The following CIZ1 variants were observed in gnomAD, a reference collection of about 807,000 sequenced individuals.
The protein encoded by CIZ1 is CDKN1A interacting zinc finger protein 1.
CIZ1 carries 58 observed loss-of-function variants against 118.6 expected under a neutral mutation model. That is an observed-to-expected ratio of 0.49 (90% CI 0.40 to 0.61). The LOEUF (loss-of-function observed/expected upper bound fraction) is 0.61, where lower values mean the gene tolerates loss of function less well. Ranked by LOEUF, CIZ1 falls within the 20% of genes least tolerant of loss-of-function variation. CIZ1 has a pLI of 0.00. For missense variants in CIZ1, 921 were observed against 1,115.9 expected, an observed-to-expected ratio of 0.83 and a Z score of 2.49; for synonymous variants, 448 against 443.4, an observed-to-expected ratio of 1.01 and a Z score of -0.13.
chr9:128,180,078 C>T (rs926587295), intron 7 of CIZ1, among the ~76,000 whole-genome samples: 33 of 152,146 alleles, frequency 2.2e-4, no homozygotes, highest in African/African-American at 7.2e-4. Flanking sequence ...CGGGGAGGAT[C>T]GTTCTCACCT....
At chr9:128,187,666 C>G (rs1378132324) in intron 4 of CIZ1, among the ~76,000 whole-genome samples, 197 bp downstream of exon 4, 1 of 151,820 alleles carries the variant, frequency 6.6e-6, no homozygotes, top group African/African-American at 2.4e-5. Flanking sequence ...AAAGATGAAA[C>G]AACCTAAAAG....
At position 128,167,161 on chromosome 9, in the gene CIZ1, T is replaced by G. The variant is rs1380460118; in HGVS notation, c.2299A>C (p.Arg767=). Residue 767 remains arginine, a synonymous_variant, in exon 15 of 17, where the codon AGG becomes CGG. Coordinates refer to ENST00000372938, the MANE Select transcript of CIZ1 (RefSeq NM_001131016.2). The part of the protein sequence containing the change: ...EVEEELCKQV[R]SRDISREEWK... ...TCCTCTCTGGATATATCTCTGGACC[T>G]CACCTGAAAACATGCAAGTGTGGGC... The G allele has an allele frequency of 6.3e-7, 1 of 1,581,766 alleles. No individual in the cohort carries two copies. Among genetic ancestry groups the G allele is most frequent in the Non-Finnish European group, 8.6e-7 (1 of 1,163,898 alleles).
chr9:128,174,012 A>AAAAC (rs1301451869), intron 11 of CIZ1, among the ~76,000 whole-genome samples: 5 of 77,726 alleles, frequency 6.4e-5, no homozygotes, highest in Non-Finnish European at 1.5e-4. Context: ...TCTCAAAAAC[A>AAAAC]AAACAAAAAA....
Position 128,169,392 on chromosome 9 carries a change from G to A in CIZ1, c.2145+14C>T, listed in dbSNP as rs1429833785. The A allele has an allele frequency of 6.2e-7, 1 of 1,604,682 alleles. No homozygotes were observed. The highest frequency in any genetic ancestry group is 8.5e-7 in the Non-Finnish European group (1 of 1,171,410). Reference sequence around the variant, plus strand: ...CCTCTCTGGGCCCATGTCCTCTGAGGGAGCTCAGGTTACCTCCTTGGCTTT... The same window carrying A: ...CCTCTCTGGGCCCATGTCCTCTGAGAGAGCTCAGGTTACCTCCTTGGCTTT... On this transcript the variant is annotated intron_variant, in intron 13 of 16. Transcript: ENST00000372938.
chr9:128,177,518 T>C, intron 10 of CIZ1, 48 bp downstream of exon 10: 1 of 1,240,514 alleles, frequency 8.1e-7, no homozygotes. Context: ...AGGCTGGGCA[T>C]TCCACGCAGG....
chr9:128,184,345 G>A (rs546709667), intron 5 of CIZ1, among the ~76,000 whole-genome samples: 101 of 152,230 alleles, frequency 6.6e-4, no homozygotes, highest in Admixed American at 2.0e-3. Context: ...ATGACAGGTC[G>A]AAATGATAAT....
intron 5 of CIZ1, among the ~76,000 whole-genome samples, chr9:128,181,821 T>A (rs1831684708): frequency 6.7e-6 from 1 of 148,430 alleles, no homozygotes; most frequent in Non-Finnish European, 1.5e-5. Context: ...ACTCTGCTCC[T>A]CCACCTCTTG....
chr9:128,179,272 T>G lies in CIZ1; in HGVS notation c.935A>C (p.Gln312Pro). The G allele has an allele frequency of 6.2e-7, 1 of 1,614,176 alleles. No individual in the cohort carries two copies. The highest frequency in any genetic ancestry group is 8.5e-7 in the Non-Finnish European group (1 of 1,180,054). ...GGCCTGGACCTGCAGGACCCGTGGC[T>G]GGAATCGTGGCAGCACTTGGGCTTC... The part of the protein sequence containing the change: ...ALEAQVLPRF[Q>P]PRVLQVQAQV... The change falls in exon 8 of 17, where the codon CAG (glutamine) becomes CCG (proline). Residue 312 changes from glutamine to proline, a missense_variant. By Grantham distance (76) the Gln-to-Pro change is moderately conservative. Coordinates refer to ENST00000372938, the MANE Select transcript of CIZ1 (RefSeq NM_001131016.2).
chr9:128,197,521 A>G (rs1564309926), intron 1 of CIZ1: 1 of 152,292 alleles, frequency 6.6e-6, no homozygotes, highest in African/African-American at 2.4e-5. Flanking sequence ...TTTCCTAAAA[A>G]TAAATGGAGT....
In CIZ1 at chr9:128,173,290, G is replaced by A. The variant is rs560869527; in HGVS notation, c.1943+3061C>T. Among the ~76,000 whole-genome samples the A allele has an allele frequency of 6.7e-4, 102 of 151,890 alleles. 1 individual carries two copies. Among genetic ancestry groups the A allele is most frequent in the African/African-American group, 2.2e-3 (92 of 41,438 alleles). On this transcript the variant is annotated intron_variant, in intron 11 of 16. Transcript: ENST00000372938. ...CTCCCAAGTAGCTGGGACTACAGGC[G>A]CCTGCCACCACGCCCGGCTAATTTT...
In CIZ1 at chr9:128,180,434, G is replaced by A; in HGVS notation, c.772C>T (p.Pro258Ser). The A allele has an allele frequency of 6.2e-7, 1 of 1,613,994 alleles. No homozygotes were observed. The highest frequency in any genetic ancestry group is 1.3e-5 in the African/African-American group (1 of 75,014). Residue 258 changes from proline (P) to serine (S), a missense_variant, in exon 7 of 17, where the codon CCA becomes TCA. Coordinates refer to ENST00000372938, the MANE Select transcript of CIZ1 (RefSeq NM_001131016.2). ...EPEPCEASEL[P>S]AKRLRSSEEP... ...AGTTACCTCCTCAATCTCTTTGCTG[G>A]CAGCTCGGACGCCTCACAAGGCTCA...
chr9:128,178,445 A>G lies in CIZ1; in HGVS notation c.1544T>C (p.Met515Thr). ...LPEPVGTQVS[M>T]EEIQNESACG... Reference sequence around the variant, plus strand: ...GGCCGACTCATTCTGAATCTCTTCCATGCTGACTTGGGTGCCCACAGGCTC... The same window carrying G: ...GGCCGACTCATTCTGAATCTCTTCCGTGCTGACTTGGGTGCCCACAGGCTC... The change falls in exon 9 of 17, where the codon ATG becomes ACG. Residue 515 changes from methionine (M) to threonine (T), a missense_variant. Transcript: ENST00000372938. 1 of 1,614,130 alleles carries G rather than the reference A, an allele frequency of 6.2e-7. No individual in the cohort carries two copies. Among genetic ancestry groups the G allele is most frequent in the Non-Finnish European group, 8.5e-7 (1 of 1,180,010 alleles).
rs1564315253 is a variant in CIZ1 at position 128,203,655 on chromosome 9, G to T, written c.-6+531C>A. ...AGGTAGGCGCGGCGCGCCCCCAGGC[G>T]CCGACCCCCGACCCCCGGGATCCCT... is the stretch of plus-strand genomic sequence containing the variant. On this transcript the variant is annotated intron_variant, in intron 1 of 17. Coordinates refer to the CIZ1 transcript ENST00000372948. The surrounding 1 kb of genome is among the most constrained non-coding windows in gnomAD (Gnocchi z 5.3). 4.0e-6 allele frequency: 6 copies of T among 1,495,292 alleles called. No homozygotes were observed. Among genetic ancestry groups the T allele is most frequent in the East Asian group, 2.8e-5 (1 of 35,418 alleles). 92.6% of individuals were successfully genotyped at this position (1,495,292 alleles called of 1,614,324 possible).
At position 128,178,733 on chromosome 9, in the gene CIZ1, G is replaced by A; in HGVS notation, c.1474C>T (p.Pro492Ser). ...VVHVCGLEMP[P>S]DAVEAGGGME... ...CCTCCACCAGCTTCTACTGCATCAG[G>A]TGGCATCTCCAGCCCGCAGACATGA... The change falls in exon 8 of 17, where the codon CCT (proline) becomes TCT (serine). Residue 492 changes from proline to serine, a missense_variant. Physicochemically the swap from Pro to Ser is moderately conservative, Grantham distance 74 (BLOSUM62 -1). Coordinates refer to ENST00000372938, the MANE Select transcript of CIZ1 (RefSeq NM_001131016.2). 6.2e-7 allele frequency: 1 copy of A among 1,613,958 alleles called. No homozygotes were observed. The highest frequency in any genetic ancestry group is 1.1e-5 in the South Asian group (1 of 91,066).
At position 128,185,636 on chromosome 9, in the gene CIZ1, C is replaced by T. The variant is rs747293336; in HGVS notation, c.499G>A (p.Val167Ile). ...TTGAACTGGGAAGGGTTCATGGGGA[C>T]CCCAACAGGAGGAGGTCCCAGCAAG... is the stretch of plus-strand genomic sequence containing the variant. Reference protein sequence around the residue: ...QSLLGPPPVGVPMNPSQFNLS... With the variant: ...QSLLGPPPVGIPMNPSQFNLS... Residue 167 changes from valine (V) to isoleucine (I), a missense_variant, in exon 5 of 17, where the codon GTC (valine) becomes ATC (isoleucine). Val to Ile is a conservative substitution (Grantham distance 29). Transcript: ENST00000372938. 79 of 1,574,874 alleles carry T rather than the reference C, an allele frequency of 5.0e-5. No homozygotes were observed. The highest frequency in any genetic ancestry group is 6.6e-5 in the Non-Finnish European group (77 of 1,160,042).
intron 13 of CIZ1, 27 bp downstream of exon 13, chr9:128,169,379 C>T (rs370661541): frequency 6.3e-7 from 1 of 1,583,914 alleles, no homozygotes; most frequent in African/African-American, 1.3e-5. Context: ...TCTCTGGGCC[C>T]ATGTCCTCTG....
intron 5 of CIZ1, among the ~76,000 whole-genome samples, chr9:128,182,189 C>A (rs552592689): frequency 6.6e-6 from 1 of 152,082 alleles, no homozygotes; most frequent in Non-Finnish European, 1.5e-5. Context: ...TAAATAACAG[C>A]GCAGCCCGAC....
upstream of CIZ1, among the ~76,000 whole-genome samples, chr9:128,195,362 C>T (rs1022708349): frequency 2.0e-5 from 3 of 152,058 alleles, no homozygotes; most frequent in South Asian, 4.1e-4. Flanking sequence ...CTGTCATCCA[C>T]GCTGGAGTGC....
chr9:128,200,943 G>C (rs1029386892), intron 1 of CIZ1, among the ~76,000 whole-genome samples: 17 of 152,014 alleles, frequency 1.1e-4, no homozygotes, highest in African/African-American at 1.7e-4. Flanking sequence ...AGACCATCCC[G>C]GCCGACATGG....
Sources: allele counts gnomAD v4.1 joint callset (sites outside exome capture counted in the v4.1 genomes callset), GRCh38; gene constraint gnomAD v4.1.1; non-coding constraint Gnocchi (gnomAD v3.1); transcripts MANE v1.5; gene names NCBI Gene and HGNC (gene_info 2026-07-23, HGNC 2026-07-21).